The following NXT2 variants were observed in gnomAD, a reference collection of about 807,000 sequenced individuals.
NXT2 encodes nuclear transport factor 2 like export factor 2.
In NXT2, 1 loss-of-function variant was observed where a neutral mutation model predicts 9.6. That is an observed-to-expected ratio of 0.10 (90% CI 0.04 to 0.49). The LOEUF (loss-of-function observed/expected upper bound fraction) is 0.49. Ranked by LOEUF, NXT2 falls within the 20% of genes least tolerant of loss-of-function variation. The probability of loss-of-function intolerance (pLI) is 0.95; values close to 1 mark genes in which losing one functional copy is unlikely to be tolerated. For missense variants in NXT2, 48 were observed against 100.3 expected (o/e 0.48, Z 2.23); for synonymous variants, 22 against 35.4 (o/e 0.62, Z 1.34).
In NXT2 at chrX:109,536,945, A is replaced by C. The variant is rs148682193; in HGVS notation, c.-62A>C. On this transcript the variant is annotated 5_prime_UTR_variant, in exon 1 of 4. Transcript: ENST00000372106. ...TATTGATCATTCCGCAGCCCTGCGG[A>C]CCGGACACGTGAGGAGGTAGTGACG... The C allele has an allele frequency of 2.1e-5, 25 of 1,211,301 alleles. No individual in the cohort carries two copies. The highest frequency in any genetic ancestry group is 2.8e-5 in the Non-Finnish European group (25 of 895,288).
chrX:109,537,291 A>C, intron 1 of NXT2: 1 of 947,045 alleles, frequency 1.1e-6, no homozygotes, highest in Non-Finnish European at 1.3e-6. Flanking sequence ...TATGGCTTGC[A>C]GTTTCTTTCT....
chrX:109,539,603 T>A (rs1279370543), intron 2 of NXT2, among the ~76,000 whole-genome samples: 2 of 109,651 alleles, frequency 1.8e-5, no homozygotes, highest in Non-Finnish European at 3.8e-5. Context: ...GTGGTTTTGA[T>A]TTGCACTTCT....
At position 109,538,146 on chromosome X, in the gene NXT2, C is replaced by T. The variant is rs200394156; in HGVS notation, c.102+15C>T. ...AAAGAAGACGGGTGAGTGTTATAGACTCTACTACTCTTTATAGACTACTAC... is the reference window on the plus strand; with the variant it reads ...AAAGAAGACGGGTGAGTGTTATAGATTCTACTACTCTTTATAGACTACTAC... On this transcript the variant is annotated intron_variant, in intron 2 of 3. Transcript: ENST00000372106. The T allele has an allele frequency of 1.1e-5, 11 of 977,577 alleles. No homozygotes were observed. The highest frequency in any genetic ancestry group is 1.4e-5 in the Non-Finnish European group (10 of 690,053). The allele number at this position is 977,577 out of a possible 1,213,427, so 80.6% of individuals were successfully genotyped here. A position where few individuals can be genotyped will look rare whatever the true frequency, so the allele number is the denominator to read the frequency against.
chrX:109,538,890 T>C (rs1173119036), intron 2 of NXT2, among the ~76,000 whole-genome samples: 1 of 111,418 alleles, frequency 9.0e-6, no homozygotes, highest in Admixed American at 9.6e-5. Context: ...TATATATATA[T>C]ACTTTAAGTT....
chrX:109,536,972 C>T lies in NXT2; in HGVS notation c.-35C>T, dbSNP rs1314885193. On this transcript the variant is annotated 5_prime_UTR_variant, in exon 1 of 4. Transcript: ENST00000372106. ...CGGACACGTGAGGAGGTAGTGACGCCGACACTGCCAGAACACACTGCTACA... is the reference window on the plus strand; with the variant it reads ...CGGACACGTGAGGAGGTAGTGACGCTGACACTGCCAGAACACACTGCTACA... The T allele has an allele frequency of 8.3e-7, 1 of 1,211,674 alleles. No homozygotes were observed.
chrX:109,544,060 C>G lies in NXT2; in HGVS notation c.*1372C>G, dbSNP rs778288370. 8.0e-5 allele frequency: 9 copies of G among 112,525 alleles called. No individual in the cohort carries two copies. Among genetic ancestry groups the G allele is most frequent in the Non-Finnish European group, 1.3e-4 (7 of 53,081 alleles). 9.3% of individuals were successfully genotyped at this position (112,525 alleles called of 1,213,427 possible). A position where few individuals can be genotyped will look rare whatever the true frequency, so the allele number is the denominator to read the frequency against. On this transcript the variant is annotated 3_prime_UTR_variant, in exon 4 of 4. Coordinates refer to ENST00000372106, the MANE Select transcript of NXT2 (RefSeq NM_001242617.2). ...ATCTTCATGATAATCCTCAAAAGAA[C>G]AAAATGCTTAACTTTATCTCTTAAT...
chrX:109,537,064 C>T, intron 1 of NXT2, 43 bp downstream of exon 1: 1 of 1,188,689 alleles, frequency 8.4e-7, no homozygotes, highest in Non-Finnish European at 1.1e-6. Flanking sequence ...CGCCGGACTC[C>T]AGTGGCTGAG....
intron 2 of NXT2, among the ~76,000 whole-genome samples, chrX:109,541,124 A>T (rs1357868144): frequency 8.9e-6 from 1 of 111,958 alleles, no homozygotes; most frequent in African/African-American, 3.2e-5. Flanking sequence ...ACACACTAAA[A>T]CTGGCTTGGG....
chrX:109,540,127 A>G (rs1203056946), intron 2 of NXT2, among the ~76,000 whole-genome samples: 1 of 111,207 alleles, frequency 9.0e-6, no homozygotes, highest in African/African-American at 3.3e-5. Flanking sequence ...GTGAAAACCA[A>G]TTTTTTAAGG....
At chrX:109,542,194 T>G (rs1302546471) in intron 3 of NXT2, among the ~76,000 whole-genome samples, 1 of 111,446 alleles carries the variant, frequency 9.0e-6, no homozygotes, top group Non-Finnish European at 1.9e-5. Context: ...TAAGCTCTGT[T>G]AGAAACCTGA....
At chrX:109,539,773 A>C (rs1933372639) in intron 2 of NXT2, among the ~76,000 whole-genome samples, 1 of 111,299 alleles carries the variant, frequency 9.0e-6, no homozygotes, top group Admixed American at 9.5e-5. Context: ...AGATTGCAAA[A>C]ATTTTTTCCC....
intron 2 of NXT2, among the ~76,000 whole-genome samples, chrX:109,540,718 CCTTAA>C (rs1249721929): frequency 8.9e-6 from 1 of 111,999 alleles, no homozygotes; most frequent in Non-Finnish European, 1.9e-5. Flanking sequence ...CTCATTTGGG[CCTTAA>C]CTTATTTGAC....
In NXT2 at chrX:109,538,138, GT is replaced by G; in HGVS notation, c.102+9del. 1 of 1,060,214 alleles carries G rather than the reference GT, an allele frequency of 9.4e-7. No homozygotes were observed. Among genetic ancestry groups the G allele is most frequent in the Non-Finnish European group, 1.3e-6 (1 of 759,885 alleles). The allele number at this position is 1,060,214 out of a possible 1,213,427, so 87.4% of individuals were successfully genotyped here. On this transcript the variant is annotated splice_region_variant and intron_variant, in intron 2 of 3. Transcript: ENST00000372106. ...AATGGATAAAAGAAGACGGGTGAGT[GT>G]TATAGACTCTACTACTCTTTATAGA... is the stretch of plus-strand genomic sequence containing the variant.
upstream of NXT2, chrX:109,536,650 C>A (rs996848252): frequency 2.1e-5 from 6 of 285,181 alleles, no homozygotes; most frequent in African/African-American, 1.1e-4. Flanking sequence ...TGAACACTTT[C>A]ATTTTTGCTT....
chrX:109,538,299 G>T (rs1933331871), intron 2 of NXT2, among the ~76,000 whole-genome samples, 168 bp downstream of exon 2: 1 of 111,761 alleles, frequency 8.9e-6, no homozygotes, highest in African/African-American at 3.3e-5. Context: ...GTGGGAACAT[G>T]GGCTCTGGAA....
Position 109,544,413 on chromosome X carries a change from A to G in NXT2, c.*1725A>G, listed in dbSNP as rs1603391650. On this transcript the variant is annotated 3_prime_UTR_variant, in exon 4 of 4. Transcript: ENST00000372106. ...TATTTTGGATTGATTTTCCAAAACC[A>G]CAGCTTCAGCAGCAACAATCAGAAT... is the stretch of plus-strand genomic sequence containing the variant. The G allele has an allele frequency of 8.9e-6, 1 of 112,581 alleles. No homozygotes were observed. Among genetic ancestry groups the G allele is most frequent in the Admixed American group, 9.5e-5 (1 of 10,573 alleles). The allele number at this position is 112,581 out of a possible 1,213,427, so 9.3% of individuals were successfully genotyped here. A position where few individuals can be genotyped will look rare whatever the true frequency, so the allele number is the denominator to read the frequency against.
chrX:109,542,093 G>A (rs1198214657), intron 3 of NXT2, among the ~76,000 whole-genome samples: 2 of 111,463 alleles, frequency 1.8e-5, no homozygotes, highest in African/African-American at 6.5e-5. Context: ...ACCTCTAGGT[G>A]GGGTCCTAAG....
At chrX:109,540,706 G>T (rs1288866719) in intron 2 of NXT2, among the ~76,000 whole-genome samples, 1 of 112,145 alleles carries the variant, frequency 8.9e-6, no homozygotes, top group Admixed American at 9.5e-5. Flanking sequence ...TGGAATTTCT[G>T]CCTCATTTGG....
At chrX:109,535,990 C>T, upstream of NXT2, 1 of 1,146,310 alleles carries the variant, frequency 8.7e-7, no homozygotes, top group Non-Finnish European at 1.2e-6. Context: ...AAAACTACGA[C>T]ATCTAATTAA....
Sources: gnomAD v4.1 joint callset for allele counts (sites outside exome capture counted in the v4.1 genomes callset) on GRCh38, gnomAD v4.1.1 for gene constraint, MANE v1.5 for transcripts, NCBI Gene and HGNC (gene_info 2026-07-23, HGNC 2026-07-21) for gene names.